Variants in PDE1B observed in about 807,000 individuals in gnomAD.
PDE1B encodes the protein phosphodiesterase 1B, also known as dual specificity calcium/calmodulin-dependent 3',5'-cyclic nucleotide phosphodiesterase 1B.
In PDE1B, 13 loss-of-function variants were observed where a neutral mutation model predicts 66.7. The observed-to-expected ratio is 0.19, with a 90% CI of 0.13 to 0.31. The LOEUF (loss-of-function observed/expected upper bound fraction) is 0.31, where lower values mean the gene tolerates loss of function less well. Ranked by LOEUF, PDE1B falls within the 10% of genes least tolerant of loss-of-function variation. The pLI, the probability that PDE1B is intolerant of heterozygous loss-of-function variation, is 1.00. For synonymous variants in PDE1B, 230 were observed against 253.9 expected, an observed-to-expected ratio of 0.91 and a Z score of 0.90; for missense variants, 485 against 682.3, an observed-to-expected ratio of 0.71 and a Z score of 3.22.
rs1412049596 is a variant in PDE1B, at chr12:54,576,701, G to C, written c.1507G>C (p.Gly503Arg). 6.2e-7 allele frequency: 1 copy of C among 1,603,732 alleles called. No individual in the cohort carries two copies. The highest frequency in any genetic ancestry group is 1.3e-5 in the African/African-American group (1 of 74,734). The change falls in exon 14 of 16, where the codon GGC becomes CGC. Residue 503 changes from glycine to arginine, a missense_variant and splice_region_variant. By Grantham distance (125) the Gly-to-Arg change is moderately radical (BLOSUM62 -2). Transcript: ENST00000243052. The part of the protein sequence containing the change: ...KQKWKERAAS[G>R]ITNQMSIDEL... ...GAAATGGAAGGAACGGGCAGCAAGT[G>C]GTGGGTACCATGGCAGAGGGCAGGG...
chr12:54,577,139 TCC>T, intron 14 of PDE1B, 84 bp from the exon 15 acceptor site: 1 of 1,105,360 alleles, frequency 9.0e-7, no homozygotes, highest in Admixed American at 2.0e-5. Context: ...TGGATGAGAA[TCC>T]CTTACATGTC....
chr12:54,573,325 G>T lies in PDE1B; in HGVS notation c.837-30G>T, dbSNP rs1957652899. Reference sequence around the variant, plus strand: ...GGTTGCCGGAGTCCCTCCTTACAGGGGGTGGTCATGATGACCTTTGGCTTT... The same window carrying T: ...GGTTGCCGGAGTCCCTCCTTACAGGTGGTGGTCATGATGACCTTTGGCTTT... On this transcript the variant is annotated intron_variant, in intron 8 of 15. Transcript: ENST00000243052. The surrounding 1 kb of genome is among the most constrained non-coding windows in gnomAD (Gnocchi z 5.2). 9 of 1,614,092 alleles carry T rather than the reference G, an allele frequency of 5.6e-6. No homozygotes were observed. Among genetic ancestry groups the T allele is most frequent in the Non-Finnish European group, 6.8e-6 (8 of 1,179,978 alleles).
intron 2 of PDE1B, among the ~76,000 whole-genome samples, chr12:54,561,019 G>C (rs1460525942): frequency 1.3e-5 from 2 of 152,110 alleles, no homozygotes; most frequent in African/African-American, 4.8e-5. Context: ...TCTGTGGGAA[G>C]TTCATCCCCC....
chr12:54,570,751 C>A lies in PDE1B; in HGVS notation c.594+394C>A, dbSNP rs544389604. The A allele has an allele frequency of 1.3e-4, 25 of 199,654 alleles. No homozygotes were observed. The South Asian group carries it at 2.4e-3, about 19-fold the overall frequency. 12.4% of individuals were successfully genotyped at this position (199,654 alleles called of 1,614,324 possible). On this transcript the variant is annotated intron_variant, in intron 6 of 15. Transcript: ENST00000243052. The stretch of plus-strand genomic sequence containing the variant: ...GGATAAAATTGGCCACTCCCTCCCC[C>A]GTCCCCCAGTTCTGGTCTCTGTGCA...
Position 54,575,326 on chromosome 12 carries a change from T to G in PDE1B, c.1185+108T>G. 1 of 996,782 alleles carries G rather than the reference T, an allele frequency of 1.0e-6. No individual in the cohort carries two copies. The highest frequency in any genetic ancestry group is 1.6e-6 in the Non-Finnish European group (1 of 640,418). The allele number at this position is 996,782 out of a possible 1,614,324, so 61.7% of individuals were successfully genotyped here. A position where few individuals can be genotyped will look rare whatever the true frequency, so the allele number is the denominator to read the frequency against. On this transcript the variant is annotated intron_variant, in intron 11 of 15. Transcript: ENST00000243052. This position sits in a 1 kb window ranked among gnomAD's most constrained non-coding sequence, Gnocchi z 4.0. ...CATCCTCCTTTTGCTACCTGTAGTCTCTGACCTGATCCCAAATCCTTGGGG... is the reference window on the plus strand; with the variant it reads ...CATCCTCCTTTTGCTACCTGTAGTCGCTGACCTGATCCCAAATCCTTGGGG...
chr12:54,575,468 C>T lies in PDE1B; in HGVS notation c.1186-83C>T. ...AGAAATTTCACACAACAACCCCCCA[C>T]CCCCACCACTTGCCACCTGTACCCC... On this transcript the variant is annotated intron_variant, in intron 11 of 15. Coordinates refer to ENST00000243052, the MANE Select transcript of PDE1B (RefSeq NM_000924.4). This position sits in a 1 kb window ranked among gnomAD's most constrained non-coding sequence, Gnocchi z 4.0. 1 of 961,792 alleles carries T rather than the reference C, an allele frequency of 1.0e-6. No individual in the cohort carries two copies. The highest frequency in any genetic ancestry group is 1.7e-5 in the Admixed American group (1 of 58,304). 59.6% of individuals were successfully genotyped at this position (961,792 alleles called of 1,614,324 possible).
chr12:54,552,042 G>T (rs1957285054), intron 2 of PDE1B, among the ~76,000 whole-genome samples: 1 of 152,182 alleles, frequency 6.6e-6, no homozygotes, highest in Non-Finnish European at 1.5e-5. Flanking sequence ...TTATTAATTG[G>T]CAGGAATAGA....
intron 2 of PDE1B, among the ~76,000 whole-genome samples, chr12:54,560,546 G>C (rs765464207): frequency 1.3e-5 from 2 of 152,124 alleles, no homozygotes; most frequent in Non-Finnish European, 1.5e-5. Context: ...GCCAATCACG[G>C]CCCCAGCGTA....
Position 54,575,683 on chromosome 12 carries a change from C to A in PDE1B, c.1267+51C>A, listed in dbSNP as rs970958957. The A allele has an allele frequency of 6.2e-6, 8 of 1,280,458 alleles. No individual in the cohort carries two copies. Among genetic ancestry groups the A allele is most frequent in the Non-Finnish European group, 9.1e-6 (8 of 883,884 alleles). 79.3% of individuals were successfully genotyped at this position (1,280,458 alleles called of 1,614,324 possible). A position where few individuals can be genotyped will look rare whatever the true frequency, so the allele number is the denominator to read the frequency against. On this transcript the variant is annotated intron_variant, in intron 12 of 15. Transcript: ENST00000243052. The surrounding 1 kb of genome is among the most constrained non-coding windows in gnomAD (Gnocchi z 4.0). The stretch of plus-strand genomic sequence containing the variant: ...GGAGGACTGGGAGGGGGAAAAGATG[C>A]TGCCTGGGTCAGGATTGCTCCAAGT...
chr12:54,577,519 C>T, intron 15 of PDE1B, 174 bp downstream of exon 15: 1 of 1,572,684 alleles, frequency 6.4e-7, no homozygotes, highest in Non-Finnish European at 8.6e-7. Context: ...GGAAATCCTC[C>T]CACGCTCTTC....
chr12:54,576,659 A>C lies in PDE1B; in HGVS notation c.1465A>C (p.Ile489Leu). 1 of 1,613,730 alleles carries C rather than the reference A, an allele frequency of 6.2e-7. No individual in the cohort carries two copies. Among genetic ancestry groups the C allele is most frequent in the Non-Finnish European group, 8.5e-7 (1 of 1,179,862 alleles). ...CTTTCGTTCCACCTGGGTCAAGCGC[A>C]TTCAGGAGAATAAGCAGAAATGGAA... ...VSFRSTWVKR[I>L]QENKQKWKER... is the part of the protein sequence containing the mutation. Residue 489 changes from isoleucine (I) to leucine (L), a missense_variant, in exon 14 of 16, where the codon ATT becomes CTT. Transcript: ENST00000243052.
intron 2 of PDE1B, among the ~76,000 whole-genome samples, chr12:54,559,809 C>T (rs889667483): frequency 1.3e-5 from 2 of 152,092 alleles, no homozygotes; most frequent in East Asian, 1.9e-4. Context: ...GGGTACAAGA[C>T]GAGGCAGGGA....
chr12:54,559,440 C>A (rs1220443018), intron 2 of PDE1B, among the ~76,000 whole-genome samples: 1 of 152,036 alleles, frequency 6.6e-6, no homozygotes, highest in Admixed American at 6.6e-5. Flanking sequence ...ACATTTATGT[C>A]CTGCCTGCCA....
intron 15 of PDE1B, 175 bp downstream of exon 15, chr12:54,577,520 C>T (rs540475919): frequency 5.7e-6 from 9 of 1,573,718 alleles, no homozygotes; most frequent in South Asian, 2.3e-5. Context: ...GAAATCCTCC[C>T]ACGCTCTTCT....
At position 54,573,312 on chromosome 12, in the gene PDE1B, C is replaced by A. The variant is rs373562615; in HGVS notation, c.837-43C>A. The stretch of plus-strand genomic sequence containing the variant: ...GAGGAGGTGGGGAGGTTGCCGGAGT[C>A]CCTCCTTACAGGGGGTGGTCATGAT... On this transcript the variant is annotated intron_variant, in intron 8 of 15. Transcript: ENST00000243052. The surrounding 1 kb of genome is among the most constrained non-coding windows in gnomAD (Gnocchi z 5.2). The A allele has an allele frequency of 3.5e-5, 57 of 1,613,694 alleles. No homozygotes were observed. The East Asian group carries it at 1.2e-3, about 35-fold the overall frequency.
At position 54,573,579 on chromosome 12, in the gene PDE1B, T is replaced by G. The variant is rs764799846; in HGVS notation, c.963-29T>G. On this transcript the variant is annotated intron_variant, in intron 9 of 15. Coordinates refer to ENST00000243052, the MANE Select transcript of PDE1B (RefSeq NM_000924.4). This position sits in a 1 kb window ranked among gnomAD's most constrained non-coding sequence, Gnocchi z 5.2. ...TCCTGCCCAGCAGCGCTGAGGGGAC[T>G]GATTGCTTCTCTTTTTATGTCCGCT... 6.2e-7 allele frequency: 1 copy of G among 1,611,598 alleles called. No individual in the cohort carries two copies. The highest frequency in any genetic ancestry group is 8.5e-7 in the Non-Finnish European group (1 of 1,177,672).
chr12:54,576,379 A>G (rs1271194240), intron 13 of PDE1B, 192 bp from the exon 14 acceptor site: 10 of 634,776 alleles, frequency 1.6e-5, no homozygotes, highest in Non-Finnish European at 2.7e-5. Context: ...CCAGGAGGGA[A>G]GATGTGGAGA....
chr12:54,553,837 C>T (rs749172111), intron 2 of PDE1B, among the ~76,000 whole-genome samples: 3 of 151,910 alleles, frequency 2.0e-5, no homozygotes, highest in African/African-American at 4.8e-5. Context: ...GAAACTGTGG[C>T]GTTTGGATTG....
intron 3 of PDE1B, 118 bp downstream of exon 3, chr12:54,567,205 G>A: frequency 9.2e-6 from 5 of 543,218 alleles, no homozygotes; most frequent in South Asian, 4.5e-5. Context: ...AAAGAGAGAG[G>A]GTGGACCAGA....
Sources: gnomAD v4.1 joint callset for allele counts (sites outside exome capture counted in the v4.1 genomes callset) on GRCh38, gnomAD v4.1.1 for gene constraint, Gnocchi (gnomAD v3.1) non-coding constraint, MANE v1.5 for transcripts, NCBI Gene and HGNC (gene_info 2026-07-23, HGNC 2026-07-21) for gene names.